The following FKBP2 variants were observed in gnomAD, a reference collection of about 807,000 sequenced individuals.
FKBP2 encodes the protein FKBP prolyl isomerase 2, also known as peptidyl-prolyl cis-trans isomerase FKBP2.
Under a neutral mutation model 19.4 loss-of-function variants are expected in FKBP2, and 15 were observed. That is an observed-to-expected ratio of 0.77 (90% CI 0.52 to 1.19). The LOEUF is 1.19. Among genes scored for constraint, FKBP2 ranks in the 50% most tolerant of loss-of-function variants. The pLI is 0.00. For missense variants in FKBP2, 170 were observed against 179.0 expected, an observed-to-expected ratio of 0.95 and a Z score of 0.29; for synonymous variants, 76 against 74.8, an observed-to-expected ratio of 1.02 and a Z score of -0.08.
intron 4 of FKBP2, 152 bp from the exon 5 acceptor site, chr11:64,243,689 T>G (rs771470096): frequency 8.2e-7 from 1 of 1,222,254 alleles, no homozygotes; most frequent in Non-Finnish European, 1.2e-6. Context: ...GGCCCCACTC[T>G]GCCCTTGCCA....
chr11:64,243,696 G>A (rs773269005), intron 4 of FKBP2, 145 bp from the exon 5 acceptor site: 27 of 1,267,906 alleles, frequency 2.1e-5, no homozygotes, highest in Middle Eastern at 2.4e-4. Context: ...CTCTGCCCTT[G>A]CCAGGCCTTT....
In FKBP2 at chr11:64,243,304, C is replaced by G; in HGVS notation, c.277C>G (p.Leu93Val). The G allele has an allele frequency of 1.2e-6, 2 of 1,603,290 alleles. No individual in the cohort carries two copies. The highest frequency in any genetic ancestry group is 1.7e-6 in the Non-Finnish European group (2 of 1,173,690). Residue 93 changes from leucine (L) to valine (V), a missense_variant, in exon 3 of 6, where the codon CTG becomes GTG. Leu to Val is a conservative substitution (Grantham distance 32, BLOSUM62 1). Transcript: ENST00000309366. ...GQVIKGWDQG[L>V]LGMCEGEKRK... ...GGTCATCAAGGGCTGGGACCAGGGG[C>G]TGCTGGGGTGAGTCATGGGGGAATG...
Position 64,243,995 on chromosome 11 carries a change from A to G in FKBP2, c.395A>G (p.Glu132Gly). 1 of 1,613,962 alleles carries G rather than the reference A, an allele frequency of 6.2e-7. No individual in the cohort carries two copies. The highest frequency in any genetic ancestry group is 8.5e-7 in the Non-Finnish European group (1 of 1,179,976). Residue 132 changes from glutamate (E) to glycine (G), a missense_variant, in exon 6 of 6, where the codon GAG becomes GGG. Transcript: ENST00000309366. ...GGTGCAACCCTGGTGTTCGAGGTGG[A>G]GCTGCTCAAAATAGAGCGACGAACT... The part of the protein sequence containing the change: ...PGGATLVFEV[E>G]LLKIERRTEL
At chr11:64,242,641 C>A in intron 2 of FKBP2, 83 bp downstream of exon 2, 3 of 1,424,810 alleles carry the variant, frequency 2.1e-6, no homozygotes, top group Non-Finnish European at 2.8e-6. Flanking sequence ...TCTCCATAAG[C>A]CAGGTAGGTG....
intron 1 of FKBP2, chr11:64,242,183 T>G: frequency 2.1e-6 from 1 of 484,318 alleles, no homozygotes; most frequent in Non-Finnish European, 3.6e-6. Flanking sequence ...GCTGCTGGGG[T>G]CCTCGGCCAA....
At chr11:64,242,634 C>A (rs921483946) in intron 2 of FKBP2, 76 bp downstream of exon 2, 18 of 1,451,962 alleles carry the variant, frequency 1.2e-5, no homozygotes, top group Non-Finnish European at 1.6e-5. Context: ...GTCTGGTTCT[C>A]CATAAGCCAG....
In FKBP2 at chr11:64,242,558, G is replaced by C; in HGVS notation, c.171G>C (p.Thr57=). Residue 57 remains threonine, a splice_region_variant and synonymous_variant, in exon 2 of 6, where the codon ACG becomes ACC. Coordinates refer to ENST00000309366, the MANE Select transcript of FKBP2 (RefSeq NM_004470.4). The part of the protein sequence containing the change: ...RKGDVLHMHY[T]GKLEDGTEFD... ...GGGATGTCCTGCACATGCACTACAC[G>C]GTGAGTGGGTTGGGCGGGCCTTTTG... 6.5e-7 allele frequency: 1 copy of C among 1,536,604 alleles called. No homozygotes were observed. Among genetic ancestry groups the C allele is most frequent in the South Asian group, 1.2e-5 (1 of 81,578 alleles).
chr11:64,242,667 C>T, intron 2 of FKBP2, 109 bp downstream of exon 2: 1 of 1,191,594 alleles, frequency 8.4e-7, no homozygotes. Context: ...GGGCAAGTCC[C>T]CTCTCGCCTC....
chr11:64,243,711 C>T (rs1024531852), intron 4 of FKBP2, 130 bp from the exon 5 acceptor site: 6 of 1,349,066 alleles, frequency 4.4e-6, no homozygotes, highest in Non-Finnish European at 6.3e-6. Context: ...GCCTTTGGCA[C>T]CCCCTTCCCA....
In FKBP2 at chr11:64,243,319, A is replaced by T. The variant is rs565990214; in HGVS notation, c.284+8A>T. On this transcript the variant is annotated splice_region_variant and intron_variant, in intron 3 of 5. Transcript: ENST00000309366. ...GGACCAGGGGCTGCTGGGGTGAGTC[A>T]TGGGGGAATGGGCTTGGGAGTGGGG... The T allele has an allele frequency of 6.2e-6, 10 of 1,600,456 alleles. No individual in the cohort carries two copies. In the South Asian group the frequency reaches 9.0e-5, roughly 14 times the overall value.
In FKBP2 at chr11:64,243,516, G is replaced by T; in HGVS notation, c.331+19G>T. ...GAGCTAGGTAAGAGGCCCCTCCTGA[G>T]GGTGCAGAGCGAGTTTGGGGTGTGT... On this transcript the variant is annotated intron_variant, in intron 4 of 5. Coordinates refer to ENST00000309366, the MANE Select transcript of FKBP2 (RefSeq NM_004470.4). The T allele has an allele frequency of 6.2e-7, 1 of 1,613,238 alleles. No homozygotes were observed. The highest frequency in any genetic ancestry group is 1.1e-5 in the South Asian group (1 of 91,026).
intron 3 of FKBP2, 67 bp downstream of exon 3, chr11:64,243,378 G>T (rs2030675429): frequency 6.2e-7 from 1 of 1,607,198 alleles, no homozygotes; most frequent in Non-Finnish European, 8.5e-7. Flanking sequence ...GGTAAGCTGT[G>T]GGAGGCAAGC....
chr11:64,242,143 T>C, intron 1 of FKBP2: 1 of 453,524 alleles, frequency 2.2e-6, no homozygotes, highest in Non-Finnish European at 3.9e-6. Context: ...GGTCCCTGGC[T>C]GCTGTGGCCT....
chr11:64,243,671 G>T, intron 4 of FKBP2, 170 bp from the exon 5 acceptor site: 1 of 1,152,364 alleles, frequency 8.7e-7, no homozygotes, highest in Non-Finnish European at 1.3e-6. Flanking sequence ...GAAGCACTCA[G>T]CTGTAGTGGC....
At position 64,242,426 on chromosome 11, in the gene FKBP2, C is replaced by T; in HGVS notation, c.39C>T (p.Ser13=). ...GGTTCCGGGTCCTGACAGTACTGTC[C>T]ATCTGCCTGAGCGCCGTGGCCACGG... ...LSWFRVLTVL[S]ICLSAVATAT... is the part of the protein sequence containing the mutation. The change falls in exon 2 of 6, where the codon TCC becomes TCT. Residue 13 remains serine, a synonymous_variant. Coordinates refer to ENST00000309366, the MANE Select transcript of FKBP2 (RefSeq NM_004470.4). The T allele has an allele frequency of 6.4e-7, 1 of 1,555,406 alleles. No individual in the cohort carries two copies.
chr11:64,243,276 C>A lies in FKBP2; in HGVS notation c.249C>A (p.Gly83=), dbSNP rs111312054. 3.7e-3 allele frequency: 5,987 copies of A among 1,610,698 alleles called. 20 individuals carry two copies. The highest frequency in any genetic ancestry group is 8.3e-3 in the Middle Eastern group (49 of 5,882). The change falls in exon 3 of 6, where the codon GGC becomes GGA. Residue 83 remains glycine (G), a synonymous_variant. Coordinates refer to ENST00000309366, the MANE Select transcript of FKBP2 (RefSeq NM_004470.4). The stretch of plus-strand genomic sequence containing the variant: ...CCTTTGTCTTCTCCCTTGGCACAGG[C>A]CAGGTCATCAAGGGCTGGGACCAGG... ...NQPFVFSLGT[G]QVIKGWDQGL...
In FKBP2 at chr11:64,243,484, C is replaced by A; in HGVS notation, c.318C>A (p.Ile106=). 6.2e-7 allele frequency: 1 copy of A among 1,613,846 alleles called. No individual in the cohort carries two copies. Among genetic ancestry groups the A allele is most frequent in the African/African-American group, 1.3e-5 (1 of 75,028 alleles). ...MCEGEKRKLV[I]PSELGYGERG... ...AGGGGGAAAAGCGCAAGCTGGTGAT[C>A]CCATCCGAGCTAGGTAAGAGGCCCC... is the stretch of plus-strand genomic sequence containing the variant. Residue 106 remains isoleucine, a synonymous_variant, in exon 4 of 6, where the codon ATC becomes ATA. Transcript: ENST00000309366.
intron 1 of FKBP2, among the ~76,000 whole-genome samples, chr11:64,241,433 G>T (rs1016769048): frequency 6.6e-6 from 1 of 151,982 alleles, no homozygotes; most frequent in Non-Finnish European, 1.5e-5. Flanking sequence ...GGGGGACGGA[G>T]CCTGGCTCTT....
At chr11:64,241,393 C>CCGG (rs1024396679) in intron 1 of FKBP2, among the ~76,000 whole-genome samples, 5 of 150,280 alleles carry the variant, frequency 3.3e-5, no homozygotes, top group Non-Finnish European at 7.4e-5. Flanking sequence ...AAGGCGGAGC[C>CCGG]CGGCGGCGGG....
Sources: gnomAD v4.1 joint callset for allele counts (sites outside exome capture counted in the v4.1 genomes callset) on GRCh38, gnomAD v4.1.1 for gene constraint, MANE v1.5 for transcripts, NCBI Gene and HGNC (gene_info 2026-07-23, HGNC 2026-07-21) for gene names.